Variants in EMILIN2 observed in about 807,000 individuals in gnomAD.
The protein encoded by EMILIN2 is EMILIN-2.
Under a neutral mutation model 87.1 loss-of-function variants are expected in EMILIN2, and 71 were observed. The ratio of observed to expected loss-of-function variants is 0.82; its 90% CI spans 0.67 to 0.99. The LOEUF is 0.99. Ranked by LOEUF, EMILIN2 falls within the 50% of genes least tolerant of loss-of-function variation. EMILIN2 has a pLI of 0.00. For missense variants in EMILIN2, 1,407 were observed against 1,371.8 expected (o/e 1.03, Z -0.40); for synonymous variants, 581 against 563.4 (o/e 1.03, Z -0.44).
intron 2 of EMILIN2, among the ~76,000 whole-genome samples, chr18:2,855,296 C>T (rs1380023594): frequency 3.9e-5 from 6 of 152,188 alleles, no homozygotes; most frequent in Admixed American, 1.3e-4. Context: ...TCGGCATTTC[C>T]AGAACATTTC....
chr18:2,907,190 G>A (rs549268561), intron 5 of EMILIN2, 105 bp downstream of exon 5: 7 of 1,157,230 alleles, frequency 6.0e-6, no homozygotes, highest in African/African-American at 4.8e-5. Flanking sequence ...CCAGCCTTCG[G>A]GGGGGCAAGT....
At chr18:2,886,812 T>A (rs2076805613) in intron 3 of EMILIN2, among the ~76,000 whole-genome samples, 1 of 152,206 alleles carries the variant, frequency 6.6e-6, no homozygotes, top group African/African-American at 2.4e-5. Context: ...TCAACCCAAC[T>A]CTTCTCTGGC....
Position 2,891,544 on chromosome 18 carries a change from G to A in EMILIN2, c.1417G>A (p.Glu473Lys), listed in dbSNP as rs2076836461. ...NAEEHCFYIE[E>K]TLRGAINGEV... ...TGAAGAACATTGCTTTTACATTGAG[G>A]AAACCCTTCGGGGCGCCATTAATGG... is the stretch of plus-strand genomic sequence containing the variant. Residue 473 changes from glutamate to lysine, a missense_variant, in exon 4 of 8, where the codon GAA (glutamate) becomes AAA (lysine). Physicochemically the swap from Glu to Lys is moderately conservative, Grantham distance 56. Transcript: ENST00000254528. The surrounding 1 kb of genome is among the most constrained non-coding windows in gnomAD (Gnocchi z 4.6). The A allele has an allele frequency of 1.2e-6, 2 of 1,614,112 alleles. No homozygotes were observed. Among genetic ancestry groups the A allele is most frequent in the African/African-American group, 1.3e-5 (1 of 75,018 alleles).
In EMILIN2 at chr18:2,880,550, T is replaced by C. The variant is rs2144016676; in HGVS notation, c.258-4414T>C. ...GGCTCTCCAGAGGGCTGGGGCACCA[T>C]CACAGTCACAGCCGAGGCTGGGAAG... On this transcript the variant is annotated intron_variant, in intron 2 of 7. Coordinates refer to ENST00000254528, the MANE Select transcript of EMILIN2 (RefSeq NM_032048.3). The surrounding 1 kb of genome is among the most constrained non-coding windows in gnomAD (Gnocchi z 4.1). Among the ~76,000 whole-genome samples, 1 of 152,256 alleles carries C rather than the reference T, an allele frequency of 6.6e-6. No individual in the cohort carries two copies. Among genetic ancestry groups the C allele is most frequent in the African/African-American group, 2.4e-5 (1 of 41,544 alleles).
At chr18:2,907,356 CT>C (rs1365349449) in intron 5 of EMILIN2, among the ~76,000 whole-genome samples, 1 of 152,166 alleles carries the variant, frequency 6.6e-6, no homozygotes, top group Non-Finnish European at 1.5e-5. Context: ...ACACGGGCAG[CT>C]CATTGATTCC....
At chr18:2,896,920 T>G (rs1428602516) in intron 4 of EMILIN2, among the ~76,000 whole-genome samples, 1 of 152,044 alleles carries the variant, frequency 6.6e-6, no homozygotes, top group Non-Finnish European at 1.5e-5. Flanking sequence ...GTGTATCGCT[T>G]GAGCCCAAGA....
intron 2 of EMILIN2, among the ~76,000 whole-genome samples, chr18:2,867,077 A>G (rs2076690133): frequency 6.6e-6 from 1 of 152,132 alleles, no homozygotes; most frequent in Non-Finnish European, 1.5e-5. Context: ...TCTTTTCGAT[A>G]TGCTGTTGGT....
chr18:2,908,369 T>C (rs1327783572), intron 5 of EMILIN2, among the ~76,000 whole-genome samples: 1 of 152,192 alleles, frequency 6.6e-6, no homozygotes, highest in Non-Finnish European at 1.5e-5. Flanking sequence ...CATCCTCATA[T>C]GCAGAGGCTG....
chr18:2,857,023 C>G lies in EMILIN2; in HGVS notation c.257+9092C>G, dbSNP rs1363425857. Among the ~76,000 whole-genome samples the G allele has an allele frequency of 2.0e-5, 3 of 152,064 alleles. No homozygotes were observed. The East Asian group carries it at 5.8e-4, about 29-fold the overall frequency. On this transcript the variant is annotated intron_variant, in intron 2 of 7. Coordinates refer to ENST00000254528, the MANE Select transcript of EMILIN2 (RefSeq NM_032048.3). The stretch of plus-strand genomic sequence containing the variant: ...ATTCAAATGAGCCAAATTCCTGGTT[C>G]GAAAATGCTGTAAAAGCAAACGTTT...
rs540796949 is a variant in EMILIN2, at chr18:2,906,342, G to A, written c.2360-441G>A. On this transcript the variant is annotated intron_variant, in intron 4 of 7. Coordinates refer to ENST00000254528, the MANE Select transcript of EMILIN2 (RefSeq NM_032048.3). ...CCTCCGCGCAGCCCTGGGGCCCCCC[G>A]GCAGGGTCCCTCGGCAGCCCGCGGG... 1.4e-3 allele frequency: 222 copies of A among 154,528 alleles called. 2 individuals carry two copies. The highest frequency in any genetic ancestry group is 4.7e-3 in the African/African-American group (196 of 41,716). 9.6% of individuals were successfully genotyped at this position (154,528 alleles called of 1,614,324 possible).
At chr18:2,858,493 TC>T (rs1442384001) in intron 2 of EMILIN2, among the ~76,000 whole-genome samples, 1 of 132,060 alleles carries the variant, frequency 7.6e-6, no homozygotes, top group Non-Finnish European at 1.6e-5. Context: ...CATTAATTCA[TC>T]CCTTTTTATA....
chr18:2,846,763 C>T (rs1019269886), upstream of EMILIN2: 7 of 985,390 alleles, frequency 7.1e-6, no homozygotes, highest in East Asian at 2.3e-4. The surrounding 1 kb of genome is among the most constrained non-coding windows in gnomAD (Gnocchi z 5.3). Context: ...CGGAGTCGCT[C>T]GGCATCTGGG....
chr18:2,874,012 C>G (rs1314738699), intron 2 of EMILIN2, among the ~76,000 whole-genome samples: 1 of 152,170 alleles, frequency 6.6e-6, no homozygotes, highest in African/African-American at 2.4e-5. Context: ...GAGGACTTTA[C>G]TGATGACTGT....
At chr18:2,860,447 A>C (rs995035930) in intron 2 of EMILIN2, among the ~76,000 whole-genome samples, 2 of 151,954 alleles carry the variant, frequency 1.3e-5, no homozygotes, top group Admixed American at 6.6e-5. Context: ...TCCATGTGTT[A>C]TCATTGTTCA....
chr18:2,889,164 GTC>G (rs1458404662), intron 3 of EMILIN2, among the ~76,000 whole-genome samples: 1 of 114,934 alleles, frequency 8.7e-6, no homozygotes, highest in Non-Finnish European at 1.7e-5. Context: ...TTGAGACAGG[GTC>G]TCTCTCTGTT....
Position 2,891,712 on chromosome 18 carries a change from G to T in EMILIN2, c.1585G>T (p.Gly529Trp). The T allele has an allele frequency of 1.2e-6, 2 of 1,614,142 alleles. No individual in the cohort carries two copies. The highest frequency in any genetic ancestry group is 2.2e-5 in the East Asian group (1 of 44,876). ...PGAAALPGVS[G>W]SGDERVMMEL... is the part of the protein sequence containing the mutation. ...GGCAGCAGCCCTGCCAGGAGTGTCA[G>T]GGTCAGGAGATGAACGGGTCATGAT... Residue 529 changes from glycine (G) to tryptophan (W), a missense_variant, in exon 4 of 8, where the codon GGG (glycine) becomes TGG (tryptophan). Gly to Trp is a radical substitution (Grantham distance 184). Transcript: ENST00000254528. The surrounding 1 kb of genome is among the most constrained non-coding windows in gnomAD (Gnocchi z 4.6).
At chr18:2,853,772 A>G (rs2076613131) in intron 2 of EMILIN2, among the ~76,000 whole-genome samples, 1 of 152,172 alleles carries the variant, frequency 6.6e-6, no homozygotes, top group African/African-American at 2.4e-5. Context: ...CTGAGGGTGC[A>G]TGTGTGATGC....
chr18:2,848,821 C>G lies in EMILIN2; in HGVS notation c.257+890C>G, dbSNP rs1347128431. On this transcript the variant is annotated intron_variant, in intron 2 of 7. Coordinates refer to ENST00000254528, the MANE Select transcript of EMILIN2 (RefSeq NM_032048.3). The surrounding 1 kb of genome is among the most constrained non-coding windows in gnomAD (Gnocchi z 4.1). Reference sequence around the variant, plus strand: ...TCTTAGAGCACAGTTGTCATTACAGCAGAGAATAGTCAGTAGGCGGATCTG... The same window carrying G: ...TCTTAGAGCACAGTTGTCATTACAGGAGAGAATAGTCAGTAGGCGGATCTG... Among the ~76,000 whole-genome samples, 2 of 152,128 alleles carry G rather than the reference C, an allele frequency of 1.3e-5. No homozygotes were observed. Among genetic ancestry groups the G allele is most frequent in the Non-Finnish European group, 2.9e-5 (2 of 68,018 alleles).
At chr18:2,846,530 C>T (rs965119117), upstream of EMILIN2, among the ~76,000 whole-genome samples, 5 of 152,258 alleles carry the variant, frequency 3.3e-5, no homozygotes, top group Non-Finnish European at 7.3e-5. This position sits in a 1 kb window ranked among gnomAD's most constrained non-coding sequence, Gnocchi z 5.3. Context: ...CGTTCGTTTC[C>T]TCCTGGACTC....
Sources: gnomAD v4.1 joint callset for allele counts (sites outside exome capture counted in the v4.1 genomes callset) on GRCh38, gnomAD v4.1.1 for gene constraint, Gnocchi (gnomAD v3.1) non-coding constraint, MANE v1.5 for transcripts, NCBI Gene and HGNC (gene_info 2026-07-23, HGNC 2026-07-21) for gene names.